Variants in TENM2 observed in about 807,000 individuals in gnomAD.
TENM2 encodes teneurin-2.
TENM2 carries 52 observed loss-of-function variants against 245.2 expected under a neutral mutation model. The observed-to-expected ratio is 0.21, with a 90% CI of 0.17 to 0.27. TENM2 has a LOEUF of 0.27. Among genes scored for constraint, TENM2 ranks in the 10% least tolerant of loss-of-function variants. The pLI, the probability that TENM2 is intolerant of heterozygous loss-of-function variation, is 1.00. For synonymous variants in TENM2, 1,363 were observed against 1,438.9 expected (o/e 0.95, Z 1.19); for missense variants, 3,046 against 3,666.8 (o/e 0.83, Z 4.37).
chr5:167,235,577 G>T, the TENM2 span, among the ~76,000 whole-genome samples: 1 of 152,122 alleles, frequency 6.6e-6, no homozygotes, highest in Non-Finnish European at 1.5e-5. Context: ...GATTTTATCA[G>T]GTATTGATCG....
intron 7 of TENM2, among the ~76,000 whole-genome samples, chr5:168,068,383 T>C (rs943570361): frequency 6.0e-4 from 92 of 152,128 alleles, no homozygotes; most frequent in Non-Finnish European, 8.8e-5. Context: ...GTTTGCAAAC[T>C]TTCTAAGCAA....
At chr5:167,494,569 A>G (rs942127758) in intron 2 of TENM2, among the ~76,000 whole-genome samples, 5 of 152,112 alleles carry the variant, frequency 3.3e-5, no homozygotes, top group African/African-American at 1.2e-4. Context: ...GTCCAATGCA[A>G]GAAGATTAGT....
chr5:167,059,180 A>G, the TENM2 span, among the ~76,000 whole-genome samples: 1 of 152,212 alleles, frequency 6.6e-6, no homozygotes, highest in Non-Finnish European at 1.5e-5. Flanking sequence ...CTGTCATTAA[A>G]ACATACAAAA....
intron 2 of TENM2, among the ~76,000 whole-genome samples, chr5:167,461,309 G>C (rs980124043): frequency 1.3e-5 from 2 of 151,736 alleles, no homozygotes; most frequent in Non-Finnish European, 2.9e-5. Context: ...GAGAATAAAA[G>C]AGAGAGAATA....
At chr5:167,271,091 G>A in the TENM2 span, among the ~76,000 whole-genome samples, 11,254 of 152,090 alleles carry the variant, frequency 0.074, 616 homozygotes, top group Non-Finnish European at 0.11. Flanking sequence ...TACAGAGAGG[G>A]GCACATTCAA....
intron 12 of TENM2, among the ~76,000 whole-genome samples, chr5:168,157,469 T>C (rs1757285097): frequency 6.6e-6 from 1 of 152,152 alleles, no homozygotes; most frequent in African/African-American, 2.4e-5. Context: ...GACAAGCATC[T>C]GGACCAAAGA....
At chr5:167,161,888 G>A in the TENM2 span, among the ~76,000 whole-genome samples, 5 of 152,072 alleles carry the variant, frequency 3.3e-5, no homozygotes, top group Admixed American at 1.3e-4. Flanking sequence ...TCCCTGGGAC[G>A]CCGGGTGCAG....
the TENM2 span, among the ~76,000 whole-genome samples, chr5:167,213,299 A>G: frequency 1.3e-5 from 2 of 152,232 alleles, no homozygotes; most frequent in Non-Finnish European, 2.9e-5. Context: ...TATAAAAAAC[A>G]TAAATTTTCC....
At chr5:167,638,094 TG>T (rs1779328902) in intron 2 of TENM2, among the ~76,000 whole-genome samples, 1 of 592 alleles carries the variant, frequency 1.7e-3, no homozygotes, top group Non-Finnish European at 3.4e-3. Flanking sequence ...AGGGCAGGTG[TG>T]TGTGTGTGTG....
chr5:167,847,966 G>T (rs1458166143), intron 2 of TENM2, among the ~76,000 whole-genome samples: 1 of 152,088 alleles, frequency 6.6e-6, no homozygotes, highest in Admixed American at 6.5e-5. Context: ...TTCAGTTTGG[G>T]TAATTTGGAC....
chr5:168,250,072 A>T (rs1766962205), intron 27 of TENM2, among the ~76,000 whole-genome samples: 4 of 151,992 alleles, frequency 2.6e-5, no homozygotes, highest in Admixed American at 2.6e-4. Context: ...GGCTGGATGG[A>T]TGGCTGACTG....
the TENM2 span, among the ~76,000 whole-genome samples, chr5:167,269,719 C>T: frequency 2.5e-4 from 38 of 152,218 alleles, no homozygotes; most frequent in Admixed American, 3.3e-4. Flanking sequence ...CTCATTCACT[C>T]TCTTCTTCTC....
intron 2 of TENM2, among the ~76,000 whole-genome samples, chr5:167,666,326 G>A (rs1755571977): frequency 6.6e-6 from 1 of 152,164 alleles, no homozygotes; most frequent in Non-Finnish European, 1.5e-5. Flanking sequence ...GATGTGTTCT[G>A]TGACAGTCTC....
chr5:167,075,153 C>T, the TENM2 span, among the ~76,000 whole-genome samples: 1 of 152,064 alleles, frequency 6.6e-6, no homozygotes, highest in Non-Finnish European at 1.5e-5. Context: ...TATGCTAACC[C>T]ATCTGTCCTC....
At chr5:167,703,935 C>T (rs1289934527) in intron 2 of TENM2, among the ~76,000 whole-genome samples, 1 of 152,124 alleles carries the variant, frequency 6.6e-6, no homozygotes, top group Admixed American at 6.5e-5. Flanking sequence ...ACCCCTCTTT[C>T]CAGCCCCCTT....
At chr5:167,701,519 C>T (rs1425247900) in intron 2 of TENM2, among the ~76,000 whole-genome samples, 4 of 151,952 alleles carry the variant, frequency 2.6e-5, no homozygotes, top group African/African-American at 7.3e-5. Context: ...AACATAGGTT[C>T]GTGACATGTA....
At chr5:167,679,345 A>G (rs974448083) in intron 2 of TENM2, among the ~76,000 whole-genome samples, 1 of 152,186 alleles carries the variant, frequency 6.6e-6, no homozygotes, top group Non-Finnish European at 1.5e-5. Context: ...TAGGTAATTC[A>G]TTAGATTTCA....
intron 2 of TENM2, among the ~76,000 whole-genome samples, chr5:167,580,431 C>T (rs1421420130): frequency 6.6e-6 from 1 of 152,182 alleles, no homozygotes; most frequent in Non-Finnish European, 1.5e-5. Context: ...CCTACCCAAA[C>T]CCCAGTTAGT....
In TENM2 at chr5:167,916,048, G is replaced by T. The variant is rs1776909960; in HGVS notation, c.713-36540G>T. 4.6e-5 allele frequency among the ~76,000 whole-genome samples: 7 copies of T among 152,188 alleles called. 1 individual carries two copies. The highest frequency in any genetic ancestry group is 2.0e-4 in the Admixed American group (3 of 15,288). On this transcript the variant is annotated intron_variant, in intron 3 of 28. Transcript: ENST00000518659. ...GCCTAATTTATAGGTTTGTGATGAG[G>T]ATTAAAGAAGCTAATAACAGATATC...
Sources: gnomAD v4.1 joint callset for allele counts (sites outside exome capture counted in the v4.1 genomes callset) on GRCh38, gnomAD v4.1.1 for gene constraint, MANE v1.5 for transcripts, NCBI Gene and HGNC (gene_info 2026-07-23, HGNC 2026-07-21) for gene names.